PCLO: variants seen among roughly 807,000 people sequenced by gnomAD.
The protein encoded by PCLO is protein piccolo.
In PCLO, 82 loss-of-function variants were observed where a neutral mutation model predicts 427.5. The observed-to-expected ratio is 0.19, with a 90% CI of 0.16 to 0.23. PCLO has a LOEUF of 0.23. Among genes scored for constraint, PCLO ranks in the 10% least tolerant of loss-of-function variants. PCLO has a pLI of 1.00. For missense variants in PCLO, 6,239 were observed against 6,115.9 expected, an observed-to-expected ratio of 1.02 and a Z score of -0.67; for synonymous variants, 2,357 against 2,155.4, an observed-to-expected ratio of 1.09 and a Z score of -2.59.
chr7:83,002,678 G>A (rs906170655), intron 3 of PCLO, among the ~76,000 whole-genome samples: 50 of 151,814 alleles, frequency 3.3e-4, no homozygotes, highest in African/African-American at 1.1e-3. Flanking sequence ...ATTATAGTTC[G>A]ACAAGATAAT....
chr7:83,096,956 A>ATATATTATATATT (rs1268829569), intron 3 of PCLO, among the ~76,000 whole-genome samples: 1 of 47,214 alleles, frequency 2.1e-5, no homozygotes, highest in Admixed American at 4.3e-4. Context: ...TTATATAAAT[A>ATATATTATATATT]ATATAATATA....
At chr7:82,895,748 A>G (rs1450266950) in intron 9 of PCLO, among the ~76,000 whole-genome samples, 1 of 151,920 alleles carries the variant, frequency 6.6e-6, no homozygotes, top group East Asian at 1.9e-4. Flanking sequence ...TCAAATTACC[A>G]AAACTGATTG....
At chr7:83,018,474 G>A (rs1332392866) in intron 3 of PCLO, among the ~76,000 whole-genome samples, 1 of 151,868 alleles carries the variant, frequency 6.6e-6, no homozygotes, top group Non-Finnish European at 1.5e-5. Flanking sequence ...AAAATATAGA[G>A]AGCTAAAATA....
At chr7:82,965,088 T>C (rs1446863106) in intron 4 of PCLO, among the ~76,000 whole-genome samples, 1 of 152,052 alleles carries the variant, frequency 6.6e-6, no homozygotes, top group Non-Finnish European at 1.5e-5. Flanking sequence ...CTGGTTAAAA[T>C]GGGTTAAATG....
At chr7:82,978,109 T>C (rs955309337) in intron 3 of PCLO, among the ~76,000 whole-genome samples, 1 of 151,914 alleles carries the variant, frequency 6.6e-6, no homozygotes, top group Non-Finnish European at 1.5e-5. Flanking sequence ...ATAGGTATTA[T>C]GAGAAATGAG....
intron 6 of PCLO, among the ~76,000 whole-genome samples, chr7:82,940,320 T>G (rs1795051309): frequency 6.6e-6 from 1 of 152,192 alleles, no homozygotes; most frequent in African/African-American, 2.4e-5. Flanking sequence ...CTGAATAAAT[T>G]TATGCACATT....
At chr7:83,013,352 T>C (rs545023252) in intron 3 of PCLO, among the ~76,000 whole-genome samples, 33 of 152,206 alleles carry the variant, frequency 2.2e-4, no homozygotes, top group Non-Finnish European at 4.3e-4. Flanking sequence ...TGATACCTTA[T>C]GAATTATATA....
At chr7:82,892,219 C>A (rs762864888) in intron 9 of PCLO, among the ~76,000 whole-genome samples, 74 of 152,110 alleles carry the variant, frequency 4.9e-4, no homozygotes, top group Non-Finnish European at 9.0e-4. Flanking sequence ...GTACTGGTAC[C>A]AAAACAGAGA....
intron 20 of PCLO, chr7:82,821,338 C>T: frequency 1.0e-6 from 1 of 985,994 alleles, no homozygotes; most frequent in Non-Finnish European, 1.2e-6. Flanking sequence ...TATGTATCCT[C>T]AGATGGAACC....
intron 3 of PCLO, among the ~76,000 whole-genome samples, chr7:83,105,521 TAAAATAC>T (rs1790832168): frequency 6.6e-6 from 1 of 151,278 alleles, no homozygotes; most frequent in Admixed American, 6.7e-5. Context: ...AAAAAAACAA[TAAAATAC>T]TAAGCATCTT....
At chr7:82,814,480 ATAATT>A (rs1791635800) in intron 20 of PCLO, among the ~76,000 whole-genome samples, 1 of 150,872 alleles carries the variant, frequency 6.6e-6, no homozygotes, top group African/African-American at 2.4e-5. Context: ...ACACTTCAAC[ATAATT>A]TAATTTATAA....
At chr7:82,877,790 C>T (rs929573099) in intron 10 of PCLO, among the ~76,000 whole-genome samples, 1 of 152,070 alleles carries the variant, frequency 6.6e-6, no homozygotes, top group African/African-American at 2.4e-5. Flanking sequence ...CTCAGCCTCC[C>T]GAATAGCTGG....
intron 6 of PCLO, among the ~76,000 whole-genome samples, chr7:82,921,113 GA>G (rs1251133606): frequency 6.6e-6 from 1 of 151,656 alleles, no homozygotes; most frequent in Non-Finnish European, 1.5e-5. Context: ...ATATTTTTGG[GA>G]AATTATTGTT....
chr7:82,845,553 T>A, intron 12 of PCLO, 68 bp from the exon 13 acceptor site: 3 of 1,061,420 alleles, frequency 2.8e-6, no homozygotes, highest in Non-Finnish European at 4.3e-6. Flanking sequence ...TGGAACTATG[T>A]GAGTTCTAGG....
At chr7:82,799,319 T>A (rs1003223486) in intron 22 of PCLO, among the ~76,000 whole-genome samples, 172 of 152,288 alleles carry the variant, frequency 1.1e-3, no homozygotes, top group Non-Finnish European at 4.9e-4. Context: ...AGTGCTGGGA[T>A]ACCAAGAGGA....
chr7:82,935,579 C>T (rs1794933108), intron 6 of PCLO, among the ~76,000 whole-genome samples: 1 of 151,528 alleles, frequency 6.6e-6, no homozygotes, highest in Admixed American at 6.6e-5. Flanking sequence ...TATGTCTACA[C>T]AAAGATAAGT....
intron 2 of PCLO, among the ~76,000 whole-genome samples, chr7:83,140,399 A>G (rs1791831724): frequency 1.3e-5 from 2 of 152,202 alleles, no homozygotes; most frequent in Non-Finnish European, 2.9e-5. Flanking sequence ...TTTAAAGTAT[A>G]TAATTCTGTT....
intron 6 of PCLO, among the ~76,000 whole-genome samples, chr7:82,924,308 T>C (rs1794663000): frequency 6.6e-6 from 1 of 152,210 alleles, no homozygotes; most frequent in Non-Finnish European, 1.5e-5. Flanking sequence ...TTGTTATAAA[T>C]TCTTAGGACC....
At chr7:82,895,752 CTGAT>C (rs1214722962) in intron 9 of PCLO, among the ~76,000 whole-genome samples, 3 of 151,744 alleles carry the variant, frequency 2.0e-5, no homozygotes, top group Non-Finnish European at 4.4e-5. Flanking sequence ...ATTACCAAAA[CTGAT>C]TGAAGAAGAA....
Sources: gnomAD v4.1 joint callset for allele counts (sites outside exome capture counted in the v4.1 genomes callset) on GRCh38, gnomAD v4.1.1 for gene constraint, MANE v1.5 for transcripts, NCBI Gene and HGNC (gene_info 2026-07-23, HGNC 2026-07-21) for gene names.